FARSB: variants seen among roughly 807,000 people sequenced by gnomAD.
The protein encoded by FARSB is phenylalanyl-tRNA synthetase subunit beta.
Under a neutral mutation model 69.6 loss-of-function variants are expected in FARSB, and 40 were observed. That is an observed-to-expected ratio of 0.57 (90% CI 0.45 to 0.75). The LOEUF is 0.75. FARSB is among the 30% of genes least tolerant of loss of function. The pLI, the probability that FARSB is intolerant of heterozygous loss-of-function variation, is 0.00. For missense variants in FARSB, 632 were observed against 722.9 expected (o/e 0.87, Z 1.44); for synonymous variants, 235 against 247.2 (o/e 0.95, Z 0.46).
chr2:222,578,610 G>A (rs1025036406), intron 16 of FARSB, among the ~76,000 whole-genome samples: 3 of 151,688 alleles, frequency 2.0e-5, no homozygotes, highest in Non-Finnish European at 2.9e-5. Context: ...GGGCCAACGC[G>A]GGAAGATCAC....
chr2:222,656,024 C>G lies in FARSB; in HGVS notation c.50G>C (p.Arg17Pro), dbSNP rs768147915. 1 of 1,593,868 alleles carries G rather than the reference C, an allele frequency of 6.3e-7. No individual in the cohort carries two copies. The highest frequency in any genetic ancestry group is 8.5e-7 in the Non-Finnish European group (1 of 1,170,214). ...KRDLLFQALG[R>P]TYTDEEFDEL... ...ATAGGGCCGCCACTCACTGTAGGTGCGGCCCAGGGCTTGGAAGAGCAGATC... is the reference window on the plus strand; with the variant it reads ...ATAGGGCCGCCACTCACTGTAGGTGGGGCCCAGGGCTTGGAAGAGCAGATC... Residue 17 changes from arginine (R) to proline (P), a missense_variant, in exon 1 of 17, where the codon CGC (arginine) becomes CCC (proline). Arg to Pro is a moderately radical substitution (Grantham distance 103). Coordinates refer to ENST00000281828, the MANE Select transcript of FARSB (RefSeq NM_005687.5).
intron 16 of FARSB, among the ~76,000 whole-genome samples, chr2:222,597,070 G>A (rs867318510): frequency 1.3e-5 from 2 of 152,120 alleles, no homozygotes; most frequent in South Asian, 2.1e-4. Context: ...AGCACTCAGA[G>A]CTAGATGTGT....
chr2:222,598,189 C>T (rs1690471354), intron 16 of FARSB, among the ~76,000 whole-genome samples: 1 of 152,226 alleles, frequency 6.6e-6, no homozygotes, highest in African/African-American at 2.4e-5. Flanking sequence ...ATCATTTTAA[C>T]ATCTTGGTTT....
At chr2:222,604,659 G>A (rs775656339) in intron 15 of FARSB, among the ~76,000 whole-genome samples, 7 of 150,902 alleles carry the variant, frequency 4.6e-5, no homozygotes, top group Admixed American at 1.3e-4. Flanking sequence ...AGGCTCAGGC[G>A]ATCCTCCCAA....
chr2:222,585,007 C>T (rs1690070896), intron 16 of FARSB, among the ~76,000 whole-genome samples: 1 of 152,202 alleles, frequency 6.6e-6, no homozygotes, highest in African/African-American at 2.4e-5. Flanking sequence ...TCTCCCAGCA[C>T]AGAGTTTGAG....
chr2:222,634,850 A>G (rs1490474170), intron 5 of FARSB, among the ~76,000 whole-genome samples: 1 of 152,206 alleles, frequency 6.6e-6, no homozygotes, highest in Non-Finnish European at 1.5e-5. Flanking sequence ...TTTCTAGGAT[A>G]TCTTCAAAGT....
chr2:222,632,143 T>TA (rs952141701), intron 7 of FARSB, among the ~76,000 whole-genome samples: 101 of 144,902 alleles, frequency 7.0e-4, no homozygotes, highest in East Asian at 2.6e-3. Flanking sequence ...ATAAAAATAA[T>TA]AAAAAAAAAA....
chr2:222,629,765 G>A (rs1691369070), intron 9 of FARSB, among the ~76,000 whole-genome samples: 2 of 151,958 alleles, frequency 1.3e-5, no homozygotes, highest in African/African-American at 4.8e-5. Flanking sequence ...TTTAAAGCCA[G>A]TGTCTCATTC....
rs991409711 is a variant in FARSB at position 222,628,945 on chromosome 2, G to C, written c.849-57C>G. 6.3e-5 allele frequency: 76 copies of C among 1,215,256 alleles called. No homozygotes were observed. In the African/African-American group the frequency reaches 1.1e-3, roughly 18 times the overall value. The allele number at this position is 1,215,256 out of a possible 1,614,324, so 75.3% of individuals were successfully genotyped here. On this transcript the variant is annotated intron_variant, in intron 9 of 16. Transcript: ENST00000281828. Reference sequence around the variant, plus strand: ...AGAAAAAAATGTGCCATAAATTACAGACATGAGTATGGTTATCAAATCTTT... The same window carrying C: ...AGAAAAAAATGTGCCATAAATTACACACATGAGTATGGTTATCAAATCTTT...
At chr2:222,644,580 G>T (rs1308354203) in intron 2 of FARSB, 1 of 442,496 alleles carries the variant, frequency 2.3e-6, no homozygotes, top group Non-Finnish European at 4.5e-6. Context: ...ATACAGAGAA[G>T]ATAATATAAT....
At chr2:222,582,373 A>AAC (rs918025638) in intron 16 of FARSB, among the ~76,000 whole-genome samples, 3 of 151,998 alleles carry the variant, frequency 2.0e-5, no homozygotes, top group Non-Finnish European at 4.4e-5. Flanking sequence ...AGAGAATATG[A>AAC]ACACACACAC....
intron 13 of FARSB, among the ~76,000 whole-genome samples, chr2:222,621,892 T>C (rs766223240): frequency 6.6e-6 from 1 of 152,248 alleles, no homozygotes; most frequent in Non-Finnish European, 1.5e-5. Context: ...GAAAATTTAG[T>C]ACAAATCTGA....
chr2:222,649,491 T>C (rs145966563), intron 1 of FARSB, among the ~76,000 whole-genome samples: 1,742 of 152,300 alleles, frequency 0.011, 22 homozygotes, highest in African/African-American at 0.035. Flanking sequence ...TGGTCTGAGG[T>C]GGCCTGACAC....
Position 222,570,069 on chromosome 2 carries a change from T to G in FARSB, c.*1802A>C, listed in dbSNP as rs983440141. 6.6e-6 allele frequency among the ~76,000 whole-genome samples: 1 copy of G among 152,176 alleles called. No homozygotes were observed. The highest frequency in any genetic ancestry group is 6.5e-5 in the Admixed American group (1 of 15,274). On this transcript the variant is annotated 3_prime_UTR_variant, in exon 17 of 17. Coordinates refer to ENST00000281828, the MANE Select transcript of FARSB (RefSeq NM_005687.5). Reference sequence around the variant, plus strand: ...AGTATTTGATTTATGAATCTTAAATTTTAGCCATTTTAATGGGTATGCAGT... The same window carrying G: ...AGTATTTGATTTATGAATCTTAAATGTTAGCCATTTTAATGGGTATGCAGT...
At chr2:222,591,963 C>T (rs147646460) in intron 16 of FARSB, among the ~76,000 whole-genome samples, 72 of 152,224 alleles carry the variant, frequency 4.7e-4, no homozygotes, top group African/African-American at 1.7e-3. Flanking sequence ...TGAGAATGAA[C>T]AATTTCACTA....
chr2:222,628,734 G>A lies in FARSB; in HGVS notation c.900+103C>T. 9.3e-6 allele frequency: 7 copies of A among 749,214 alleles called. 1 individual carries two copies. In the South Asian group the frequency reaches 9.9e-5, roughly 11 times the overall value. 46.4% of individuals were successfully genotyped at this position (749,214 alleles called of 1,614,324 possible). On this transcript the variant is annotated intron_variant, in intron 10 of 16. Coordinates refer to ENST00000281828, the MANE Select transcript of FARSB (RefSeq NM_005687.5). The stretch of plus-strand genomic sequence containing the variant: ...ACATAGTGTAGCGCCTGGCACACGG[G>A]TGGGTAGGTAGGGGATGGATAGACA...
At position 222,587,020 on chromosome 2, in the gene FARSB, G is replaced by A. The variant is rs1043206126; in HGVS notation, c.1618+12908C>T. Reference sequence around the variant, plus strand: ...CACCAAGTGGACCTAATAGACATCTGCAGAACTCTCCATCCCAAATCAACA... The same window carrying A: ...CACCAAGTGGACCTAATAGACATCTACAGAACTCTCCATCCCAAATCAACA... On this transcript the variant is annotated intron_variant, in intron 16 of 16. Coordinates refer to ENST00000281828, the MANE Select transcript of FARSB (RefSeq NM_005687.5). 2.0e-5 allele frequency among the ~76,000 whole-genome samples: 3 copies of A among 152,142 alleles called. No individual in the cohort carries two copies. The East Asian group carries it at 5.8e-4, about 29-fold the overall frequency.
intron 5 of FARSB, 30 bp downstream of exon 5, chr2:222,639,550 G>T: frequency 9.5e-7 from 1 of 1,052,386 alleles, no homozygotes; most frequent in Non-Finnish European, 1.4e-6. Flanking sequence ...AAAGGGGAAG[G>T]CAAGGAAGAA....
intron 16 of FARSB, among the ~76,000 whole-genome samples, chr2:222,577,167 TAC>T (rs1689859350): frequency 6.6e-6 from 1 of 152,212 alleles, no homozygotes; most frequent in African/African-American, 2.4e-5. Context: ...CAGATCCTAG[TAC>T]ACTCAGTTGG....
Sources: allele counts gnomAD v4.1 joint callset (sites outside exome capture counted in the v4.1 genomes callset), GRCh38; gene constraint gnomAD v4.1.1; transcripts MANE v1.5; gene names NCBI Gene and HGNC (gene_info 2026-07-23, HGNC 2026-07-21).